The following GMEB2 variants were observed in gnomAD, a reference collection of about 807,000 sequenced individuals.
GMEB2 encodes the protein glucocorticoid modulatory element-binding protein 2.
A neutral mutation model predicts 45.7 loss-of-function variants in GMEB2; 7 were observed. The observed-to-expected ratio is 0.15, with a 90% CI of 0.09 to 0.29. The LOEUF is 0.29. Ranked by LOEUF, GMEB2 falls within the 10% of genes least tolerant of loss-of-function variation. GMEB2 has a pLI of 1.00. For synonymous variants in GMEB2, 322 were observed against 323.6 expected (o/e 1.00, Z 0.05); for missense variants, 582 against 739.2 (o/e 0.79, Z 2.47).
intron 6 of GMEB2, among the ~76,000 whole-genome samples, chr20:63,594,982 G>A (rs533424621): frequency 2.0e-5 from 3 of 152,238 alleles, no homozygotes; most frequent in East Asian, 1.9e-4. Context: ...TGATCCACCC[G>A]CCTCGGCTTC....
chr20:63,607,229 T>C (rs2089527371), intron 2 of GMEB2, among the ~76,000 whole-genome samples: 1 of 120,572 alleles, frequency 8.3e-6, no homozygotes. Context: ...AACATGCCCC[T>C]CTGACCCACC....
intron 9 of GMEB2, 39 bp downstream of exon 9, chr20:63,591,983 T>G (rs1194083031): frequency 6.3e-7 from 1 of 1,575,154 alleles, no homozygotes; most frequent in East Asian, 2.3e-5. Context: ...GTCCTCAGCC[T>G]ACCGCCCAGG....
In GMEB2 at chr20:63,593,033, G is replaced by A. The variant is rs754576504; in HGVS notation, c.669C>T (p.Gly223=). The A allele has an allele frequency of 6.2e-6, 10 of 1,611,218 alleles. No homozygotes were observed. The highest frequency in any genetic ancestry group is 4.0e-5 in the African/African-American group (3 of 74,862). The change falls in exon 7 of 10, where the codon GGC becomes GGT. Residue 223 remains glycine, a synonymous_variant. Transcript: ENST00000370077. The surrounding 1 kb of genome is among the most constrained non-coding windows in gnomAD (Gnocchi z 4.7). ...TACCTCCAATGGCCGCGGTCCAGTCGCCAGGGTCTTCACAGGTCTCTATGG... is the reference window on the plus strand; with the variant it reads ...TACCTCCAATGGCCGCGGTCCAGTCACCAGGGTCTTCACAGGTCTCTATGG... ...TITIETCEDP[G]DWTAAIGDDT...
rs1434331951 is a variant in GMEB2 at position 63,592,333 on chromosome 20, A to C, written c.830-189T>G. On this transcript the variant is annotated intron_variant, in intron 8 of 9. Transcript: ENST00000370077. This position sits in a 1 kb window ranked among gnomAD's most constrained non-coding sequence, Gnocchi z 8.2. ...CAGGAACCCAGCCAGCCAGGAGCTC[A>C]GTTCAGAGGGAGAAGACTGAGATAC... 2.0e-5 allele frequency among the ~76,000 whole-genome samples: 3 copies of C among 152,156 alleles called. No homozygotes were observed. Among genetic ancestry groups the C allele is most frequent in the African/African-American group, 7.2e-5 (3 of 41,436 alleles).
chr20:63,590,950 G>A (rs1015608028), intron 9 of GMEB2, among the ~76,000 whole-genome samples: 1 of 152,168 alleles, frequency 6.6e-6, no homozygotes, highest in Non-Finnish European at 1.5e-5. Context: ...ACACCAGCCT[G>A]TGCTGACCCA....
chr20:63,626,285 T>C (rs2089671509), intron 1 of GMEB2, among the ~76,000 whole-genome samples: 1 of 134,396 alleles, frequency 7.4e-6, no homozygotes, highest in Non-Finnish European at 1.6e-5. Flanking sequence ...CCCCTGCGGG[T>C]CGGGTGCCTG....
In GMEB2 at chr20:63,609,374, CCT is replaced by C. The variant is rs1433278907; in HGVS notation, c.132-4536_132-4535del. ...ACACATCCATTTCTAGAAACATGCCCCTCTGACCTCACCTCCATTTCTAGAAA... is the reference window on the plus strand; with the variant it reads ...ACACATCCATTTCTAGAAACATGCCCCTGACCTCACCTCCATTTCTAGAAA... On this transcript the variant is annotated intron_variant, in intron 2 of 9. Transcript: ENST00000370077. Among the ~76,000 whole-genome samples, 15 of 135,086 alleles carry C rather than the reference CCT, an allele frequency of 1.1e-4. 1 individual carries two copies. The highest frequency in any genetic ancestry group is 1.9e-4 in the Non-Finnish European group (12 of 61,700). The allele number at this position is 135,086 out of a possible 152,430, so 88.6% of individuals were successfully genotyped here. A position where few individuals can be genotyped will look rare whatever the true frequency, so the allele number is the denominator to read the frequency against.
At chr20:63,601,040 T>C (rs937064799) in intron 4 of GMEB2, among the ~76,000 whole-genome samples, 22 of 152,228 alleles carry the variant, frequency 1.4e-4, no homozygotes, top group African/African-American at 4.6e-4. Context: ...TTTACAGGGA[T>C]GCTCTGAAAC....
In GMEB2 at chr20:63,623,884, A is replaced by AG. The variant is rs574766698; in HGVS notation, c.-58+3071dup. Among the ~76,000 whole-genome samples the AG allele has an allele frequency of 8.3e-4, 120 of 145,404 alleles. 1 individual carries two copies. The South Asian group carries it at 0.014, about 17-fold the overall frequency. ...CCTAGCACTTTGGGAGGCCGAGGCGAGCAGATCACCTGAGGTCAGGAGTTA... is the reference window on the plus strand; with the variant it reads ...CCTAGCACTTTGGGAGGCCGAGGCGAGGCAGATCACCTGAGGTCAGGAGTTA... On this transcript the variant is annotated intron_variant, in intron 1 of 9. Transcript: ENST00000370077.
At chr20:63,591,208 A>C (rs1447809476) in intron 9 of GMEB2, among the ~76,000 whole-genome samples, 9 of 137,356 alleles carry the variant, frequency 6.6e-5, no homozygotes, top group Non-Finnish European at 1.1e-4. Context: ...ACACACAATG[A>C]ACACAAACAG....
At chr20:63,596,773 T>C (rs530636228) in intron 5 of GMEB2, among the ~76,000 whole-genome samples, 1 of 152,302 alleles carries the variant, frequency 6.6e-6, no homozygotes, top group South Asian at 2.1e-4. Context: ...ATCCCAGCAC[T>C]TTGGGAGGCT....
chr20:63,610,633 C>T (rs1169893565), intron 2 of GMEB2, among the ~76,000 whole-genome samples: 12 of 152,342 alleles, frequency 7.9e-5, no homozygotes. Flanking sequence ...TTAAGTCCTT[C>T]AAGACAGCCC....
At chr20:63,613,380 G>A (rs903880264) in intron 2 of GMEB2, among the ~76,000 whole-genome samples, 10 of 152,224 alleles carry the variant, frequency 6.6e-5, no homozygotes, top group African/African-American at 1.7e-4. Flanking sequence ...AGGGCACTGC[G>A]CCAGCCGTGC....
In GMEB2 at chr20:63,605,458, G is replaced by A. The variant is rs140630489; in HGVS notation, c.132-618C>T. Among the ~76,000 whole-genome samples, 1,465 of 151,088 alleles carry A rather than the reference G, an allele frequency of 9.7e-3. 10 individuals are homozygous for A. Among genetic ancestry groups the A allele is most frequent in the Middle Eastern group, 0.021 (6 of 292 alleles). On this transcript the variant is annotated intron_variant, in intron 2 of 9. Transcript: ENST00000370077. ...TGAGACCACAGAATCACTTGAACCC[G>A]AGAGGTGTGAGTGGGGATTGTGTCA...
rs1276219423 is a variant in GMEB2 at position 63,619,848 on chromosome 20, G to A, written c.-57-394C>T. The A allele has an allele frequency of 2.0e-5, 3 of 153,396 alleles. No homozygotes were observed. Among genetic ancestry groups the A allele is most frequent in the African/African-American group, 4.8e-5 (2 of 41,498 alleles). The allele number at this position is 153,396 out of a possible 1,614,324, so 9.5% of individuals were successfully genotyped here. ...CCCCAATCCCTGAACTGAGTTTCAG[G>A]TGCAGAAAGCACTCCAAGAAGTCCT... is the stretch of plus-strand genomic sequence containing the variant. On this transcript the variant is annotated intron_variant, in intron 1 of 9. Transcript: ENST00000370077. This position sits in a 1 kb window ranked among gnomAD's most constrained non-coding sequence, Gnocchi z 4.6.
chr20:63,625,422 C>G (rs2089664456), intron 1 of GMEB2, among the ~76,000 whole-genome samples: 1 of 151,978 alleles, frequency 6.6e-6, no homozygotes, highest in Non-Finnish European at 1.5e-5. Flanking sequence ...ATCCTCCCAC[C>G]TTGACCTCCC....
rs1015432314 is a variant in GMEB2 at position 63,619,638 on chromosome 20, C to A, written c.-57-184G>T. On this transcript the variant is annotated intron_variant, in intron 1 of 9. Transcript: ENST00000370077. This position sits in a 1 kb window ranked among gnomAD's most constrained non-coding sequence, Gnocchi z 4.6. Reference sequence around the variant, plus strand: ...GCTCTGGTTCCGAGGGCGGTGTAAGCGCACTCCACCCGTTTTTCCCACTGG... The same window carrying A: ...GCTCTGGTTCCGAGGGCGGTGTAAGAGCACTCCACCCGTTTTTCCCACTGG... 4.3e-5 allele frequency: 16 copies of A among 374,034 alleles called. No individual in the cohort carries two copies. The highest frequency in any genetic ancestry group is 3.1e-4 in the African/African-American group (15 of 47,662). 23.2% of individuals were successfully genotyped at this position (374,034 alleles called of 1,614,324 possible). A position where few individuals can be genotyped will look rare whatever the true frequency, so the allele number is the denominator to read the frequency against.
intron 2 of GMEB2, among the ~76,000 whole-genome samples, chr20:63,607,342 C>A (rs34381309): frequency 0.068 from 2,024 of 29,648 alleles, 159 homozygotes; most frequent in East Asian, 0.2. Flanking sequence ...CTGACCTCAC[C>A]TCCATTTCTA....
rs781036172 is a variant in GMEB2, at chr20:63,619,292, C to T, written c.106G>A (p.Val36Met). Residue 36 changes from valine to methionine, a missense_variant, in exon 2 of 10, where the codon GTG becomes ATG. Physicochemically the swap from Val to Met is conservative, Grantham distance 21. This residue lies in a region of GMEB2 where 114 missense variants were observed against 123.4 expected (regional missense o/e 0.92). Transcript: ENST00000370077. This position sits in a 1 kb window ranked among gnomAD's most constrained non-coding sequence, Gnocchi z 4.6. ...CCGTGAGGGGCCAAGTTGGTCGTCACCAACACGGTCTTCACCCCCTCCACA... is the reference window on the plus strand; with the variant it reads ...CCGTGAGGGGCCAAGTTGGTCGTCATCAACACGGTCTTCACCCCCTCCACA... ...SGVEGVKTVLVTTNLAPHGGD... is the reference protein window; with the variant it reads ...SGVEGVKTVLMTTNLAPHGGD... The T allele has an allele frequency of 3.1e-6, 5 of 1,612,094 alleles. No homozygotes were observed. The highest frequency in any genetic ancestry group is 4.2e-6 in the Non-Finnish European group (5 of 1,179,708).
Sources: gnomAD v4.1 joint callset for allele counts (sites outside exome capture counted in the v4.1 genomes callset) on GRCh38, gnomAD v4.1.1 for gene constraint, gnomAD v4.1.1 regional missense constraint, Gnocchi (gnomAD v3.1) non-coding constraint, MANE v1.5 for transcripts, NCBI Gene and HGNC (gene_info 2026-07-23, HGNC 2026-07-21) for gene names.